The following GRIA4 variants were observed in gnomAD, a reference collection of about 807,000 sequenced individuals.
The protein encoded by GRIA4 is glutamate ionotropic receptor AMPA type subunit 4, also known as glutamate receptor 4.
A neutral mutation model predicts 104.0 loss-of-function variants in GRIA4; 34 were observed. That is an observed-to-expected ratio of 0.33 (90% confidence interval 0.25 to 0.44). GRIA4 has a LOEUF of 0.44. GRIA4 is among the 20% of genes least tolerant of loss of function. The probability of loss-of-function intolerance (pLI) is 1.00; values close to 1 mark genes in which losing one functional copy is unlikely to be tolerated. For synonymous variants in GRIA4, 386 were observed against 381.9 expected (o/e 1.01, Z -0.13); for missense variants, 750 against 1,096.5 (o/e 0.68, Z 4.46).
intron 5 of GRIA4, among the ~76,000 whole-genome samples, chr11:105,886,801 ATC>A (rs1227096858): frequency 6.6e-6 from 1 of 152,022 alleles, no homozygotes; most frequent in Non-Finnish European, 1.5e-5. Flanking sequence ...GAGAGTTGTA[ATC>A]TCTAATGCAA....
At chr11:105,629,579 A>G (rs1009997424) in intron 3 of GRIA4, among the ~76,000 whole-genome samples, 2 of 152,182 alleles carry the variant, frequency 1.3e-5, no homozygotes, top group African/African-American at 4.8e-5. Flanking sequence ...CTTTTGTGTT[A>G]TAATGCAGAA....
chr11:105,646,494 G>A (rs1951532421), intron 3 of GRIA4, among the ~76,000 whole-genome samples: 1 of 151,982 alleles, frequency 6.6e-6, no homozygotes, highest in Admixed American at 6.6e-5. Flanking sequence ...TAACAGAGCT[G>A]GAGGCATCAC....
chr11:105,679,160 T>C (rs1313358492), intron 3 of GRIA4, among the ~76,000 whole-genome samples: 1 of 152,150 alleles, frequency 6.6e-6, no homozygotes, highest in Non-Finnish European at 1.5e-5. Flanking sequence ...AGTCCAAAGG[T>C]AGTCTTCTAA....
chr11:105,675,470 T>C (rs1023308052), intron 3 of GRIA4, among the ~76,000 whole-genome samples: 9 of 151,840 alleles, frequency 5.9e-5, no homozygotes, highest in African/African-American at 2.2e-4. Flanking sequence ...AGCATTAGCG[T>C]TCCTCTCTTG....
At chr11:105,647,182 G>C (rs1002261440) in intron 3 of GRIA4, among the ~76,000 whole-genome samples, 6 of 152,056 alleles carry the variant, frequency 3.9e-5, no homozygotes. Context: ...CAGCCCATAA[G>C]TATATGAAAA....
intron 4 of GRIA4, among the ~76,000 whole-genome samples, chr11:105,824,947 A>C (rs923970129): frequency 2.0e-5 from 3 of 152,040 alleles, no homozygotes; most frequent in Admixed American, 6.6e-5. Context: ...TCAGACTTTG[A>C]TTCCAGTCAG....
chr11:105,903,492 G>T (rs1946935882), intron 7 of GRIA4, among the ~76,000 whole-genome samples: 1 of 152,134 alleles, frequency 6.6e-6, no homozygotes, highest in African/African-American at 2.4e-5. Context: ...TGATACATTA[G>T]CTATTTGTAC....
chr11:105,904,306 C>T lies in GRIA4; in HGVS notation c.1053+325C>T, dbSNP rs552320082. ...GGGCTCTTGGCTAATTGTAATCACT[C>T]GAGGACGTAGGCTTGCAGAGCAGTT... On this transcript the variant is annotated intron_variant, in intron 8 of 16. Coordinates refer to ENST00000282499, the MANE Select transcript of GRIA4 (RefSeq NM_000829.4). Among the ~76,000 whole-genome samples the T allele has an allele frequency of 1.2e-4, 18 of 152,268 alleles. No individual in the cohort carries two copies. The South Asian group carries it at 1.5e-3, about 12-fold the overall frequency.
chr11:105,905,353 G>A lies in GRIA4; in HGVS notation c.1158+52G>A, dbSNP rs1177664367. On this transcript the variant is annotated intron_variant, in intron 9 of 16. Coordinates refer to ENST00000282499, the MANE Select transcript of GRIA4 (RefSeq NM_000829.4). ...GAATTCTCTGTTTCTTAGTTTGTAT[G>A]TAACATTTTAAAGGTGTACAGAAGA... 3.0e-6 allele frequency: 3 copies of A among 1,012,062 alleles called. No individual in the cohort carries two copies. In the African/African-American group the frequency reaches 4.7e-5, roughly 16 times the overall value. 62.7% of individuals were successfully genotyped at this position (1,012,062 alleles called of 1,614,324 possible).
chr11:105,650,833 G>T (rs1951666226), intron 3 of GRIA4, among the ~76,000 whole-genome samples: 1 of 152,066 alleles, frequency 6.6e-6, no homozygotes, highest in South Asian at 2.1e-4. Flanking sequence ...CTCAGATGAA[G>T]ATTGTCTATA....
At position 105,919,366 on chromosome 11, in the gene GRIA4, T is replaced by C. The variant is rs552897018; in HGVS notation, c.1476+448T>C. Among the ~76,000 whole-genome samples the C allele has an allele frequency of 2.4e-4, 36 of 152,300 alleles. 1 individual carries two copies. The South Asian group carries it at 7.0e-3, about 30-fold the overall frequency. ...TAATTACTCATAGATATCTTTTAAG[T>C]AATTGGTGAGGCAATCACTATATTA... On this transcript the variant is annotated intron_variant, in intron 11 of 16. Transcript: ENST00000282499.
intron 3 of GRIA4, among the ~76,000 whole-genome samples, chr11:105,641,698 T>A (rs1951364690): frequency 6.6e-6 from 1 of 152,084 alleles, no homozygotes; most frequent in African/African-American, 2.4e-5. Flanking sequence ...TACCTTCCCA[T>A]CCTTAACCAC....
intron 3 of GRIA4, among the ~76,000 whole-genome samples, chr11:105,694,775 T>C (rs942855072): frequency 2.0e-5 from 3 of 152,176 alleles, no homozygotes; most frequent in African/African-American, 4.8e-5. Flanking sequence ...AATAACTAAA[T>C]ATCAAGGATT....
At chr11:105,955,327 T>C (rs1482981296) in intron 14 of GRIA4, among the ~76,000 whole-genome samples, 1 of 152,084 alleles carries the variant, frequency 6.6e-6, no homozygotes, top group African/African-American at 2.4e-5. Context: ...TGTGTCCATG[T>C]GTCCTCAATG....
At chr11:105,950,975 A>G (rs1323197598) in intron 14 of GRIA4, among the ~76,000 whole-genome samples, 2 of 152,188 alleles carry the variant, frequency 1.3e-5, no homozygotes, top group African/African-American at 4.8e-5. Flanking sequence ...CCCCAGCTGG[A>G]CTTTGATGGA....
chr11:105,905,410 T>C (rs535107484), intron 9 of GRIA4, 109 bp downstream of exon 9: 1 of 624,632 alleles, frequency 1.6e-6, no homozygotes, highest in Admixed American at 2.8e-5. Context: ...TTTTTGTGAG[T>C]ACTTACAAAT....
chr11:105,862,459 T>C (rs530142509), intron 5 of GRIA4: 32 of 301,254 alleles, frequency 1.1e-4, no homozygotes, highest in Non-Finnish European at 1.6e-4. Context: ...AGTGAAAGAC[T>C]CTGTGTGAAT....
At chr11:105,625,232 C>A (rs111265228) in intron 3 of GRIA4, among the ~76,000 whole-genome samples, 11 of 152,172 alleles carry the variant, frequency 7.2e-5, no homozygotes, top group African/African-American at 2.6e-4. Flanking sequence ...AAGACTCTAT[C>A]ATGAAGGCCT....
intron 3 of GRIA4, among the ~76,000 whole-genome samples, chr11:105,640,059 T>C (rs1327599028): frequency 6.6e-6 from 1 of 151,982 alleles, no homozygotes; most frequent in Non-Finnish European, 1.5e-5. Flanking sequence ...ATTTTTATTA[T>C]GAAAGCATCA....
Sources: allele counts gnomAD v4.1 joint callset (sites outside exome capture counted in the v4.1 genomes callset), GRCh38; gene constraint gnomAD v4.1.1; transcripts MANE v1.5; gene names NCBI Gene and HGNC (gene_info 2026-07-23, HGNC 2026-07-21).